TPTE: variants seen among roughly 807,000 people sequenced by gnomAD.
TPTE encodes putative tyrosine-protein phosphatase TPTE.
TPTE carries 59 observed loss-of-function variants against 84.1 expected under a neutral mutation model. The observed-to-expected ratio is 0.70, with a 90% CI of 0.57 to 0.87. TPTE has a LOEUF of 0.87. Ranked by LOEUF, TPTE falls within the 40% of genes least tolerant of loss-of-function variation. The pLI is 0.00. For missense variants in TPTE, 382 were observed against 659.6 expected (o/e 0.58, Z 4.61); for synonymous variants, 130 against 223.5 (o/e 0.58, Z 3.73).
chr21:10,556,211 G>A (rs1768120513), intron 8 of TPTE, among the ~76,000 whole-genome samples: 1 of 152,290 alleles, frequency 6.6e-6, no homozygotes, highest in South Asian at 2.1e-4. Context: ...CCCCATGACA[G>A]GCCCTGGTGT....
intron 7 of TPTE, among the ~76,000 whole-genome samples, chr21:10,545,798 T>G (rs1186464619): frequency 4.9e-4 from 75 of 151,684 alleles, no homozygotes; most frequent in African/African-American, 1.8e-3. Flanking sequence ...CATATGTGCA[T>G]ATTTAAATGT....
chr21:10,550,384 G>A (rs2074550332), intron 7 of TPTE, among the ~76,000 whole-genome samples: 1 of 152,306 alleles, frequency 6.6e-6, no homozygotes. Flanking sequence ...TAAAGGGATG[G>A]AAAAATATAT....
At chr21:10,570,372 T>A (rs2075017428) in intron 13 of TPTE, 113 bp from the exon 14 acceptor site, 8 of 1,566,818 alleles carry the variant, frequency 5.1e-6, no homozygotes, top group African/African-American at 1.4e-5. Context: ...AACCTCAATC[T>A]TAAAAGGTTT....
chr21:10,546,939 T>G (rs1419120758), intron 7 of TPTE, among the ~76,000 whole-genome samples: 1 of 152,310 alleles, frequency 6.6e-6, no homozygotes, highest in East Asian at 1.9e-4. Flanking sequence ...GTGAGATAAC[T>G]GATGAATGTG....
chr21:10,522,729 T>C (rs1319493869), intron 1 of TPTE, among the ~76,000 whole-genome samples: 1 of 152,312 alleles, frequency 6.6e-6, no homozygotes, highest in Non-Finnish European at 1.5e-5. Flanking sequence ...TTTCTTATAC[T>C]CAAAATTTTA....
chr21:10,543,014 CTTTTTTTTTTTT>C lies in TPTE; in HGVS notation c.120-300_120-289del, dbSNP rs1051322060. On this transcript the variant is annotated intron_variant, in intron 6 of 23. Coordinates refer to ENST00000618007, the MANE Select transcript of TPTE (RefSeq NM_199261.4). The stretch of plus-strand genomic sequence containing the variant: ...ATCGCGTCTCCTATCTGACTGTATT[CTTTTTTTTTTTT>C]TTTTTTTTTTTTTTGAGACGGAGTC... 6.9e-5 allele frequency among the ~76,000 whole-genome samples: 5 copies of C among 72,276 alleles called. 1 individual carries two copies. The highest frequency in any genetic ancestry group is 3.8e-4 in the Admixed American group (2 of 5,230). 47.4% of individuals were successfully genotyped at this position (72,276 alleles called of 152,430 possible). A position where few individuals can be genotyped will look rare whatever the true frequency, so the allele number is the denominator to read the frequency against.
chr21:10,554,475 C>T (rs2074639885), intron 8 of TPTE, among the ~76,000 whole-genome samples: 1 of 152,312 alleles, frequency 6.6e-6, no homozygotes, highest in African/African-American at 2.4e-5. Flanking sequence ...ATTGATTTCT[C>T]TGATATTAGT....
intron 1 of TPTE, among the ~76,000 whole-genome samples, chr21:10,524,250 A>G (rs2074039781): frequency 6.6e-6 from 1 of 152,426 alleles, no homozygotes; most frequent in African/African-American, 2.4e-5. Context: ...AAAATCATGT[A>G]AAGTTTTGGC....
chr21:10,539,623 A>G (rs2074330116), intron 4 of TPTE, among the ~76,000 whole-genome samples: 1 of 152,304 alleles, frequency 6.6e-6, no homozygotes, highest in Admixed American at 6.5e-5. Context: ...CTGCAATCAT[A>G]TAAAGTATGA....
At chr21:10,565,475 A>G (rs1410727501) in intron 10 of TPTE, among the ~76,000 whole-genome samples, 2 of 152,310 alleles carry the variant, frequency 1.3e-5, no homozygotes, top group East Asian at 1.9e-4. Context: ...CAAAATATGA[A>G]TGACATTCTT....
intron 14 of TPTE, among the ~76,000 whole-genome samples, chr21:10,573,631 A>C (rs2075089953): frequency 6.6e-6 from 1 of 152,310 alleles, no homozygotes; most frequent in African/African-American, 2.4e-5. Flanking sequence ...GATTATCCTG[A>C]TTTGATCATT....
intron 3 of TPTE, among the ~76,000 whole-genome samples, chr21:10,527,622 G>A (rs1246010549): frequency 1.3e-5 from 2 of 152,312 alleles, no homozygotes; most frequent in Non-Finnish European, 2.9e-5. Flanking sequence ...CTATCAGAAT[G>A]CCTGTGTATG....
At chr21:10,569,631 AT>A in intron 12 of TPTE, 51 bp from the exon 13 acceptor site, 2 of 1,613,784 alleles carry the variant, frequency 1.2e-6, no homozygotes, top group Non-Finnish European at 1.7e-6. Context: ...AATGTTTTTT[AT>A]TTTTATGTTG....
chr21:10,559,172 T>G (rs969104059), intron 8 of TPTE, among the ~76,000 whole-genome samples: 2 of 152,312 alleles, frequency 1.3e-5, no homozygotes, highest in African/African-American at 4.8e-5. Context: ...CACCCTTTTC[T>G]GTCTTCATGC....
chr21:10,596,379 T>C (rs1250018312), intron 20 of TPTE, among the ~76,000 whole-genome samples: 1 of 152,310 alleles, frequency 6.6e-6, no homozygotes, highest in African/African-American at 2.4e-5. Flanking sequence ...AGGCGGACTT[T>C]TCCGGGCAGA....
At chr21:10,543,129 A>G (rs2074401489) in intron 6 of TPTE, among the ~76,000 whole-genome samples, 200 bp from the exon 7 acceptor site, 1 of 130,960 alleles carries the variant, frequency 7.6e-6, no homozygotes, top group Non-Finnish European at 1.5e-5. Context: ...TCCCGGGTTC[A>G]CGCCATTCTC....
intron 10 of TPTE, among the ~76,000 whole-genome samples, chr21:10,562,860 A>G (rs867722921): frequency 3.9e-5 from 6 of 152,304 alleles, no homozygotes; most frequent in Non-Finnish European, 7.3e-5. Context: ...TGGTAACAGA[A>G]CATCCCAAAC....
chr21:10,541,555 C>T (rs1243714609), intron 5 of TPTE, among the ~76,000 whole-genome samples: 1 of 152,304 alleles, frequency 6.6e-6, no homozygotes, highest in Non-Finnish European at 1.5e-5. Flanking sequence ...GATTAACTCT[C>T]AGATGTGTTC....
At chr21:10,523,043 G>A (rs1374998208) in intron 1 of TPTE, among the ~76,000 whole-genome samples, 14 of 152,310 alleles carry the variant, frequency 9.2e-5, no homozygotes, top group African/African-American at 3.4e-4. Context: ...AAAACACTAA[G>A]CAAACATAGT....
Sources: gnomAD v4.1 joint callset for allele counts (sites outside exome capture counted in the v4.1 genomes callset) on GRCh38, gnomAD v4.1.1 for gene constraint, MANE v1.5 for transcripts, NCBI Gene and HGNC (gene_info 2026-07-23, HGNC 2026-07-21) for gene names.